SLC6A11: variants seen among roughly 807,000 people sequenced by gnomAD.
SLC6A11 encodes the protein solute carrier family 6 member 11.
In SLC6A11, 25 loss-of-function variants were observed where a neutral mutation model predicts 74.8. The observed-to-expected ratio is 0.33, with a 90% confidence interval of 0.24 to 0.47. The LOEUF (loss-of-function observed/expected upper bound fraction) is 0.47, where lower values mean the gene tolerates loss of function less well. Ranked by LOEUF, SLC6A11 falls within the 20% of genes least tolerant of loss-of-function variation. SLC6A11 has a pLI of 1.00. For synonymous variants in SLC6A11, 330 were observed against 330.2 expected, an observed-to-expected ratio of 1.00 and a Z score of 0.01; for missense variants, 574 against 837.0, an observed-to-expected ratio of 0.69 and a Z score of 3.88.
chr3:10,898,328 A>C (rs919719294), intron 6 of SLC6A11, among the ~76,000 whole-genome samples: 1 of 152,234 alleles, frequency 6.6e-6, no homozygotes, highest in Non-Finnish European at 1.5e-5. Context: ...TTTCTTTTCT[A>C]TCACATTACT....
chr3:10,823,299 T>C lies in SLC6A11; in HGVS notation c.533-3T>C. ...TCTATTTCTTGTCTTGTTTCCACTGTAGAGAATTGTGTGGAGTTCCAGAAA... is the reference window on the plus strand; with the variant it reads ...TCTATTTCTTGTCTTGTTTCCACTGCAGAGAATTGTGTGGAGTTCCAGAAA... On this transcript the variant is annotated splice_polypyrimidine_tract_variant and splice_region_variant and intron_variant, in intron 3 of 13. Coordinates refer to ENST00000254488, the MANE Select transcript of SLC6A11 (RefSeq NM_014229.3). 1 of 1,601,044 alleles carries C rather than the reference T, an allele frequency of 6.2e-7. No individual in the cohort carries two copies.
chr3:10,834,753 T>C (rs11927152), intron 4 of SLC6A11, among the ~76,000 whole-genome samples: 3,498 of 152,268 alleles, frequency 0.023, 117 homozygotes, highest in African/African-American at 0.079. Flanking sequence ...ATTGGGACCC[T>C]GAGCAGGTAA....
intron 6 of SLC6A11, among the ~76,000 whole-genome samples, chr3:10,891,091 T>C (rs1387252166): frequency 6.6e-6 from 1 of 152,200 alleles, no homozygotes; most frequent in Non-Finnish European, 1.5e-5. Context: ...ATCTTAACTC[T>C]ACCATTGGGA....
At chr3:10,858,787 T>G (rs182794006) in intron 5 of SLC6A11, among the ~76,000 whole-genome samples, 122 of 152,306 alleles carry the variant, frequency 8.0e-4, no homozygotes, top group Non-Finnish European at 1.4e-3. Context: ...TAATTCAACA[T>G]GCACTTATTA....
chr3:10,885,933 C>G (rs1695037208), intron 6 of SLC6A11, among the ~76,000 whole-genome samples: 1 of 152,202 alleles, frequency 6.6e-6, no homozygotes, highest in South Asian at 2.1e-4. Context: ...CCCCTCTGTG[C>G]ACAGCTCCCT....
chr3:10,926,120 AG>A lies in SLC6A11; in HGVS notation c.1233+8del. Reference sequence around the variant, plus strand: ...CTTCCTGGGCCTGGACAGCCAGGTAAGGGGCCATGGGGATGGGGAGCCCAGG... The same window carrying A: ...CTTCCTGGGCCTGGACAGCCAGGTAAGGGCCATGGGGATGGGGAGCCCAGG... On this transcript the variant is annotated splice_donor_5th_base_variant and intron_variant, in intron 9 of 13. Coordinates refer to ENST00000254488, the MANE Select transcript of SLC6A11 (RefSeq NM_014229.3). This position sits in a 1 kb window ranked among gnomAD's most constrained non-coding sequence, Gnocchi z 5.7. 6.3e-7 allele frequency: 1 copy of A among 1,596,784 alleles called. No individual in the cohort carries two copies. The highest frequency in any genetic ancestry group is 8.6e-7 in the Non-Finnish European group (1 of 1,165,012).
At chr3:10,842,464 A>G (rs558539730) in intron 4 of SLC6A11, among the ~76,000 whole-genome samples, 17 of 152,262 alleles carry the variant, frequency 1.1e-4, no homozygotes, top group Admixed American at 2.6e-4. Flanking sequence ...ATGCTATTCT[A>G]TTATACTCAT....
At chr3:10,934,313 A>G in intron 12 of SLC6A11, 147 bp downstream of exon 12, 4 of 586,632 alleles carry the variant, frequency 6.8e-6, no homozygotes, top group Non-Finnish European at 9.2e-6. Context: ...ACAAAGCTGC[A>G]CCCATGGGCA....
intron 5 of SLC6A11, among the ~76,000 whole-genome samples, chr3:10,874,187 A>T (rs537534692): frequency 3.3e-5 from 5 of 152,346 alleles, no homozygotes; most frequent in South Asian, 2.1e-4. Flanking sequence ...CAGCTTATTT[A>T]AAAAAAGAAT....
intron 4 of SLC6A11, among the ~76,000 whole-genome samples, chr3:10,840,811 G>T (rs1448553483): frequency 6.6e-6 from 1 of 152,178 alleles, no homozygotes; most frequent in Non-Finnish European, 1.5e-5. Context: ...TCGCCTCTGT[G>T]CACCTCAGGT....
chr3:10,854,096 A>G (rs2106591088), intron 5 of SLC6A11, among the ~76,000 whole-genome samples: 2 of 152,340 alleles, frequency 1.3e-5, no homozygotes, highest in Middle Eastern at 6.8e-3. Context: ...TTAACAAGCT[A>G]TTTCTAAGCA....
At chr3:10,817,415 C>T (rs1694077854) in intron 1 of SLC6A11, among the ~76,000 whole-genome samples, 1 of 152,188 alleles carries the variant, frequency 6.6e-6, no homozygotes, top group African/African-American at 2.4e-5. Context: ...CGTAACTCTC[C>T]CAGCTCAGGG....
At chr3:10,897,570 A>G (rs1328968764) in intron 6 of SLC6A11, among the ~76,000 whole-genome samples, 1 of 152,232 alleles carries the variant, frequency 6.6e-6, no homozygotes, top group Non-Finnish European at 1.5e-5. Flanking sequence ...CTTTGAATCC[A>G]TGTCTCCTAT....
intron 10 of SLC6A11, among the ~76,000 whole-genome samples, chr3:10,932,485 A>G (rs1323998524): frequency 6.6e-6 from 1 of 152,134 alleles, no homozygotes; most frequent in African/African-American, 2.4e-5. Flanking sequence ...AAAACATGCT[A>G]TGAAGGCCCA....
chr3:10,882,337 T>C (rs956348136), intron 6 of SLC6A11, among the ~76,000 whole-genome samples: 1 of 152,080 alleles, frequency 6.6e-6, no homozygotes, highest in African/African-American at 2.4e-5. Flanking sequence ...GCCCGACCGG[T>C]GCAGTCACAA....
At chr3:10,902,237 G>C (rs890335262) in intron 6 of SLC6A11, among the ~76,000 whole-genome samples, 1 of 152,244 alleles carries the variant, frequency 6.6e-6, no homozygotes, top group East Asian at 1.9e-4. Context: ...TGGGTCTGAC[G>C]GTTTTCACAC....
Position 10,933,261 on chromosome 3 carries a change from G to A in SLC6A11, c.1474+8G>A. On this transcript the variant is annotated splice_region_variant and intron_variant, in intron 11 of 13. Transcript: ENST00000254488. ...GCATCGGCTGGGTGTATGGTGAGTA[G>A]CAGCCAAGCCCGTCCACACCCCAGC... 6.2e-7 allele frequency: 1 copy of A among 1,603,518 alleles called. No homozygotes were observed. The highest frequency in any genetic ancestry group is 8.5e-7 in the Non-Finnish European group (1 of 1,170,426).
intron 7 of SLC6A11, among the ~76,000 whole-genome samples, chr3:10,914,853 G>A (rs1186879398): frequency 6.6e-6 from 1 of 152,108 alleles, no homozygotes; most frequent in Non-Finnish European, 1.5e-5. Flanking sequence ...TCACCCCATC[G>A]GTGGCTTACG....
intron 10 of SLC6A11, among the ~76,000 whole-genome samples, chr3:10,931,920 G>A (rs1695693269): frequency 6.6e-6 from 1 of 152,204 alleles, no homozygotes; most frequent in Non-Finnish European, 1.5e-5. Context: ...GCACAGAGGG[G>A]AAGCAGAACT....
Sources: allele counts gnomAD v4.1 joint callset (sites outside exome capture counted in the v4.1 genomes callset), GRCh38; gene constraint gnomAD v4.1.1; non-coding constraint Gnocchi (gnomAD v3.1); transcripts MANE v1.5; gene names NCBI Gene and HGNC (gene_info 2026-07-23, HGNC 2026-07-21).